The following ST6GALNAC3 variants were observed in gnomAD, a reference collection of about 807,000 sequenced individuals.
ST6GALNAC3 encodes alpha-N-acetylgalactosaminide alpha-2,6-sialyltransferase 3.
ST6GALNAC3 carries 25 observed loss-of-function variants against 32.7 expected under a neutral mutation model. The observed-to-expected ratio is 0.76, with a 90% CI of 0.56 to 1.07. The LOEUF (loss-of-function observed/expected upper bound fraction) is 1.07. Ranked by LOEUF, ST6GALNAC3 falls within the 50% of genes least tolerant of loss-of-function variation. ST6GALNAC3 has a pLI of 0.00. For synonymous variants in ST6GALNAC3, 129 were observed against 133.1 expected, an observed-to-expected ratio of 0.97 and a Z score of 0.21; for missense variants, 355 against 382.4, an observed-to-expected ratio of 0.93 and a Z score of 0.60.
chr1:76,138,435 C>A (rs1478941038), intron 1 of ST6GALNAC3, among the ~76,000 whole-genome samples: 2 of 151,380 alleles, frequency 1.3e-5, no homozygotes, highest in Non-Finnish European at 3.0e-5. Context: ...TTGAAAAAAA[C>A]CAGGAAATTT....
At chr1:76,616,466 T>A (rs998472298) in intron 3 of ST6GALNAC3, among the ~76,000 whole-genome samples, 1 of 152,224 alleles carries the variant, frequency 6.6e-6, no homozygotes, top group Non-Finnish European at 1.5e-5. Flanking sequence ...TCAAGTATTC[T>A]GATGGAGCAG....
chr1:76,309,371 G>T (rs1045529178), intron 1 of ST6GALNAC3, among the ~76,000 whole-genome samples: 12 of 152,114 alleles, frequency 7.9e-5, no homozygotes, highest in African/African-American at 2.9e-4. Flanking sequence ...TGATATACAT[G>T]TGAGACATGC....
intron 1 of ST6GALNAC3, among the ~76,000 whole-genome samples, chr1:76,261,146 T>C (rs192570542): frequency 6.6e-6 from 1 of 152,322 alleles, no homozygotes; most frequent in East Asian, 1.9e-4. Context: ...ATCTTCATGA[T>C]GCACAGTAGG....
chr1:76,536,504 A>T (rs1347544050), intron 3 of ST6GALNAC3, among the ~76,000 whole-genome samples: 1 of 152,094 alleles, frequency 6.6e-6, no homozygotes, highest in East Asian at 1.9e-4. Context: ...CAACATCATG[A>T]GAACAGCATG....
chr1:76,379,623 G>A (rs964237432), intron 2 of ST6GALNAC3, among the ~76,000 whole-genome samples: 2 of 152,094 alleles, frequency 1.3e-5, no homozygotes, highest in African/African-American at 4.8e-5. Context: ...GAGCTGGGAG[G>A]CAGCTCTTTC....
At chr1:76,240,372 T>C (rs1656896207) in intron 1 of ST6GALNAC3, among the ~76,000 whole-genome samples, 1 of 152,220 alleles carries the variant, frequency 6.6e-6, no homozygotes, top group Non-Finnish European at 1.5e-5. Context: ...GGCAGACTTA[T>C]ATTTAGTTCT....
intron 3 of ST6GALNAC3, among the ~76,000 whole-genome samples, chr1:76,488,051 C>G (rs368527809): frequency 6.6e-6 from 1 of 152,076 alleles, no homozygotes; most frequent in Admixed American, 6.6e-5. Flanking sequence ...AAGAATAAAA[C>G]CAGAAGTCCT....
At chr1:76,210,520 C>G (rs144729100) in intron 1 of ST6GALNAC3, among the ~76,000 whole-genome samples, 3 of 152,154 alleles carry the variant, frequency 2.0e-5, no homozygotes, top group African/African-American at 7.2e-5. Context: ...TGTATCCACC[C>G]TTATATTAAT....
chr1:76,295,417 GT>G (rs1452067505), intron 1 of ST6GALNAC3, among the ~76,000 whole-genome samples: 1 of 152,090 alleles, frequency 6.6e-6, no homozygotes, highest in Non-Finnish European at 1.5e-5. Flanking sequence ...GTGTGTATGT[GT>G]GTTCCTACTG....
chr1:76,190,920 T>C (rs1427722121), intron 1 of ST6GALNAC3, among the ~76,000 whole-genome samples: 1 of 152,208 alleles, frequency 6.6e-6, no homozygotes, highest in African/African-American at 2.4e-5. Context: ...AGAAACTTAT[T>C]TCTCAAAGTG....
chr1:76,157,466 A>G (rs1209233590), intron 1 of ST6GALNAC3, among the ~76,000 whole-genome samples: 5 of 152,238 alleles, frequency 3.3e-5, no homozygotes, highest in East Asian at 1.9e-4. Flanking sequence ...AGCCTCGTCA[A>G]CTAGAGTACA....
At chr1:76,274,766 T>C (rs1284651131) in intron 1 of ST6GALNAC3, among the ~76,000 whole-genome samples, 1 of 152,196 alleles carries the variant, frequency 6.6e-6, no homozygotes, top group Non-Finnish European at 1.5e-5. Context: ...TCCAGGGTAC[T>C]CTCTTATCAT....
At chr1:76,398,822 A>T (rs766701044) in intron 2 of ST6GALNAC3, among the ~76,000 whole-genome samples, 42 of 152,324 alleles carry the variant, frequency 2.8e-4, no homozygotes, top group Middle Eastern at 3.4e-3. Context: ...GTTAATGAAA[A>T]GTTTACACTC....
chr1:76,171,071 A>C (rs923448130), intron 1 of ST6GALNAC3, among the ~76,000 whole-genome samples: 11 of 150,612 alleles, frequency 7.3e-5, no homozygotes, highest in Non-Finnish European at 1.2e-4. Context: ...TTAACTGAAC[A>C]GTTATTCATT....
intron 3 of ST6GALNAC3, among the ~76,000 whole-genome samples, chr1:76,432,219 T>C (rs1487563272): frequency 6.6e-6 from 1 of 152,150 alleles, no homozygotes; most frequent in Admixed American, 6.5e-5. Flanking sequence ...TGCTGAATAA[T>C]ATTCCATTGT....
intron 1 of ST6GALNAC3, among the ~76,000 whole-genome samples, chr1:76,128,069 G>C (rs1238803570): frequency 6.6e-6 from 1 of 152,124 alleles, no homozygotes; most frequent in Non-Finnish European, 1.5e-5. Context: ...TCAACCTGTG[G>C]AGGATGGCAA....
chr1:76,228,623 C>T (rs1037472349), intron 1 of ST6GALNAC3, among the ~76,000 whole-genome samples: 8 of 152,186 alleles, frequency 5.3e-5, no homozygotes, highest in Non-Finnish European at 8.8e-5. Flanking sequence ...TCTAGAGGAA[C>T]TATTATGCCA....
intron 1 of ST6GALNAC3, among the ~76,000 whole-genome samples, chr1:76,128,416 T>C (rs951232548): frequency 6.6e-6 from 1 of 152,312 alleles, no homozygotes; most frequent in South Asian, 2.1e-4. Flanking sequence ...CAGAAAGTTG[T>C]GTCTCCAGAA....
intron 2 of ST6GALNAC3, 34 bp downstream of exon 2, chr1:76,314,033 A>C: frequency 6.3e-7 from 1 of 1,591,374 alleles, no homozygotes; most frequent in Non-Finnish European, 8.6e-7. Context: ...GCAGTTGGAG[A>C]GTATCCATGG....
Sources: allele counts gnomAD v4.1 joint callset (sites outside exome capture counted in the v4.1 genomes callset), GRCh38; gene constraint gnomAD v4.1.1; transcripts MANE v1.5; gene names NCBI Gene and HGNC (gene_info 2026-07-23, HGNC 2026-07-21).